The following RIBC2 variants were observed in gnomAD, a reference collection of about 807,000 sequenced individuals.
The protein encoded by RIBC2 is RIB43A-like with coiled-coils protein 2.
Under a neutral mutation model 44.3 loss-of-function variants are expected in RIBC2, and 40 were observed. That is an observed-to-expected ratio of 0.90 (90% CI 0.70 to 1.18). The LOEUF (loss-of-function observed/expected upper bound fraction) is 1.18, where lower values mean the gene tolerates loss of function less well. Among genes scored for constraint, RIBC2 ranks in the 50% most tolerant of loss-of-function variants. RIBC2 has a pLI of 0.00. For missense variants in RIBC2, 459 were observed against 485.5 expected, an observed-to-expected ratio of 0.95 and a Z score of 0.51; for synonymous variants, 171 against 175.0, an observed-to-expected ratio of 0.98 and a Z score of 0.18.
At chr22:45,417,541 G>T (rs1354007008) in intron 2 of RIBC2, 61 bp from the exon 3 acceptor site, 4 of 1,256,264 alleles carry the variant, frequency 3.2e-6, no homozygotes, top group African/African-American at 4.9e-5. Context: ...AAAATAAAAT[G>T]GATTCAAATT....
chr22:45,424,702 C>T (rs1410361730), intron 4 of RIBC2, among the ~76,000 whole-genome samples: 3 of 151,352 alleles, frequency 2.0e-5, no homozygotes, highest in Admixed American at 1.3e-4. Context: ...CTAGTCCCCG[C>T]AGGCTTCCTC....
At chr22:45,427,005 T>C (rs1248425509) in intron 5 of RIBC2, among the ~76,000 whole-genome samples, 9 of 151,314 alleles carry the variant, frequency 5.9e-5, no homozygotes, top group Admixed American at 5.9e-4. Context: ...TTTCCAGAGA[T>C]GGGGAAGGTG....
At chr22:45,420,196 TTGCTGTTTTCAGACG>T (rs1028264497) in intron 3 of RIBC2, among the ~76,000 whole-genome samples, 5 of 152,226 alleles carry the variant, frequency 3.3e-5, no homozygotes, top group Non-Finnish European at 5.9e-5. Flanking sequence ...CCACACTATC[TTGCTGTTTTCAGACG>T]TGAGTATATC....
At chr22:45,416,984 C>T (rs943403957) in intron 2 of RIBC2, among the ~76,000 whole-genome samples, 4 of 150,538 alleles carry the variant, frequency 2.7e-5, no homozygotes, top group African/African-American at 9.8e-5. Flanking sequence ...TCGTAGCAAC[C>T]TCTGCCTCCT....
intron 3 of RIBC2, among the ~76,000 whole-genome samples, chr22:45,419,129 C>T (rs1251009902): frequency 1.3e-5 from 2 of 152,230 alleles, no homozygotes; most frequent in Non-Finnish European, 1.5e-5. Flanking sequence ...TGATCTTGTC[C>T]GGTCTCATGG....
At chr22:45,429,198 C>T (rs2087558345) in intron 5 of RIBC2, among the ~76,000 whole-genome samples, 1 of 152,136 alleles carries the variant, frequency 6.6e-6, no homozygotes, top group African/African-American at 2.4e-5. Flanking sequence ...CCGGGTGGGG[C>T]CTGCAGTCTG....
intron 4 of RIBC2, among the ~76,000 whole-genome samples, chr22:45,424,756 T>TC (rs904460594): frequency 4.1e-5 from 6 of 147,736 alleles, no homozygotes; most frequent in East Asian, 2.0e-4. Flanking sequence ...CTTTTTTCTT[T>TC]TTTTTTTTTT....
intron 5 of RIBC2, among the ~76,000 whole-genome samples, chr22:45,429,172 G>A (rs947495797): frequency 9.2e-5 from 14 of 152,164 alleles, no homozygotes; most frequent in Admixed American, 6.5e-4. Context: ...GAGGGTCTCC[G>A]GACCCACAGC....
intron 2 of RIBC2, among the ~76,000 whole-genome samples, chr22:45,416,245 A>G (rs2087423602): frequency 6.6e-6 from 1 of 151,256 alleles, no homozygotes; most frequent in Admixed American, 6.6e-5. Context: ...ATCCATTCCC[A>G]TACTGATGGC....
intron 3 of RIBC2, among the ~76,000 whole-genome samples, chr22:45,421,332 TTAATAA>T (rs36123558): frequency 7.0e-6 from 1 of 143,710 alleles, no homozygotes; most frequent in Non-Finnish European, 1.5e-5. Context: ...AATACTATTA[TTAATAA>T]TAATAATTAA....
At chr22:45,418,945 G>T (rs1339985338) in intron 3 of RIBC2, among the ~76,000 whole-genome samples, 1 of 152,038 alleles carries the variant, frequency 6.6e-6, no homozygotes, top group Non-Finnish European at 1.5e-5. Context: ...CCTTCATCTG[G>T]ACCTAACAGT....
chr22:45,429,526 G>A (rs947369786), intron 5 of RIBC2, among the ~76,000 whole-genome samples: 26 of 152,220 alleles, frequency 1.7e-4, no homozygotes, highest in African/African-American at 4.6e-4. Flanking sequence ...TGGCGGTGGC[G>A]TGGACCAGGG....
intron 5 of RIBC2, 117 bp from the exon 6 acceptor site, chr22:45,430,783 G>A (rs775527590): frequency 2.2e-5 from 28 of 1,288,470 alleles, no homozygotes; most frequent in Middle Eastern, 2.7e-4. Context: ...CTACCTGCTC[G>A]TCCTCTGAGC....
intron 2 of RIBC2, 52 bp downstream of exon 2, chr22:45,414,455 A>C (rs1291428798): frequency 7.8e-7 from 1 of 1,276,634 alleles, no homozygotes; most frequent in Non-Finnish European, 1.1e-6. Context: ...GTGGCTTTAG[A>C]CTCCAGTCTT....
Position 45,417,714 on chromosome 22 carries a change from G to T in RIBC2, c.324G>T (p.Lys108Asn). Residue 108 changes from lysine to asparagine, a missense_variant, in exon 3 of 7, where the codon AAG becomes AAT. Coordinates refer to ENST00000614167, the MANE Select transcript of RIBC2 (RefSeq NM_015653.5). ...AINDFQQSFQ[K>N]PETRREFDLS... ...ATGACTTCCAACAGAGCTTTCAGAAGCCAGAAACTCGCCGTGAATTTGATC... is the reference window on the plus strand; with the variant it reads ...ATGACTTCCAACAGAGCTTTCAGAATCCAGAAACTCGCCGTGAATTTGATC... 1 of 1,614,146 alleles carries T rather than the reference G, an allele frequency of 6.2e-7. No individual in the cohort carries two copies. The highest frequency in any genetic ancestry group is 1.1e-5 in the South Asian group (1 of 91,084).
intron 3 of RIBC2, among the ~76,000 whole-genome samples, chr22:45,421,056 G>A (rs1279296938): frequency 1.3e-5 from 2 of 152,066 alleles, no homozygotes; most frequent in Non-Finnish European, 2.9e-5. Flanking sequence ...TTCTTACTTT[G>A]GGAGGCCAAA....
chr22:45,430,814 A>G, intron 5 of RIBC2, 86 bp from the exon 6 acceptor site: 1 of 1,416,872 alleles, frequency 7.1e-7, no homozygotes, highest in Non-Finnish European at 9.3e-7. Flanking sequence ...CCATCTGTAG[A>G]ATGAGAGGCC....
intron 2 of RIBC2, among the ~76,000 whole-genome samples, chr22:45,416,782 C>T (rs2087429079): frequency 6.6e-6 from 1 of 151,764 alleles, no homozygotes; most frequent in African/African-American, 2.4e-5. Flanking sequence ...TCTTGTTTCC[C>T]CACATCCTTA....
At chr22:45,430,262 T>G (rs2087567373) in intron 5 of RIBC2, among the ~76,000 whole-genome samples, 1 of 152,224 alleles carries the variant, frequency 6.6e-6, no homozygotes, top group African/African-American at 2.4e-5. Context: ...GGGACTCGTC[T>G]TCAGCCCTAA....
Sources: gnomAD v4.1 joint callset for allele counts (sites outside exome capture counted in the v4.1 genomes callset) on GRCh38, gnomAD v4.1.1 for gene constraint, MANE v1.5 for transcripts, NCBI Gene and HGNC (gene_info 2026-07-23, HGNC 2026-07-21) for gene names.